Variants in SHISA6 observed in about 807,000 individuals in gnomAD.
SHISA6 encodes the protein protein shisa-6.
A neutral mutation model predicts 47.9 loss-of-function variants in SHISA6; 22 were observed. The observed-to-expected ratio is 0.46, with a 90% CI of 0.33 to 0.66. SHISA6 has a LOEUF of 0.66. SHISA6 is among the 30% of genes least tolerant of loss of function. SHISA6 has a pLI of 0.02. For synonymous variants in SHISA6, 388 were observed against 337.8 expected (o/e 1.15, Z -1.63); for missense variants, 680 against 764.6 (o/e 0.89, Z 1.30).
chr17:11,357,344 CT>C (rs756256179), intron 2 of SHISA6, among the ~76,000 whole-genome samples: 1 of 152,078 alleles, frequency 6.6e-6, no homozygotes, highest in Non-Finnish European at 1.5e-5. Context: ...TAAGTTACCC[CT>C]CCCATCAAAA....
intron 2 of SHISA6, among the ~76,000 whole-genome samples, chr17:11,279,847 AC>A (rs1909060701): frequency 6.6e-6 from 1 of 152,032 alleles, no homozygotes; most frequent in African/African-American, 2.4e-5. Flanking sequence ...TAAGGAAATG[AC>A]CTGCATTTTC....
intron 3 of SHISA6, among the ~76,000 whole-genome samples, chr17:11,493,694 C>A (rs971448193): frequency 6.6e-6 from 1 of 152,208 alleles, no homozygotes; most frequent in Admixed American, 6.5e-5. Flanking sequence ...CATCAAAGAA[C>A]GAGAGCCATT....
At chr17:11,517,634 C>T (rs1413101414) in intron 3 of SHISA6, among the ~76,000 whole-genome samples, 1 of 152,132 alleles carries the variant, frequency 6.6e-6, no homozygotes, top group African/African-American at 2.4e-5. Flanking sequence ...TCCTTAGTAG[C>T]TGGACCACAG....
chr17:11,503,454 AC>A, intron 3 of SHISA6, among the ~76,000 whole-genome samples: 2 of 152,274 alleles, frequency 1.3e-5, no homozygotes, highest in Non-Finnish European at 2.9e-5. Flanking sequence ...ACAGAGAAGC[AC>A]TTTTGATTGT....
At chr17:11,355,519 C>G (rs1199144341) in intron 2 of SHISA6, among the ~76,000 whole-genome samples, 1 of 152,168 alleles carries the variant, frequency 6.6e-6, no homozygotes, top group East Asian at 1.9e-4. Flanking sequence ...ATTACCACCC[C>G]CAGGCCTGAT....
chr17:11,249,419 G>A (rs931895489), intron 1 of SHISA6, among the ~76,000 whole-genome samples: 11 of 152,164 alleles, frequency 7.2e-5, no homozygotes, highest in Non-Finnish European at 1.6e-4. Context: ...CTCATTCATA[G>A]ACGCCAGTTT....
At chr17:11,319,423 G>A (rs1043765018) in intron 2 of SHISA6, among the ~76,000 whole-genome samples, 2 of 152,228 alleles carry the variant, frequency 1.3e-5, no homozygotes, top group African/African-American at 4.8e-5. Context: ...TGGTGTAATA[G>A]TCTCTCAAAG....
chr17:11,417,944 A>C (rs1332783339), intron 3 of SHISA6, among the ~76,000 whole-genome samples: 1 of 152,212 alleles, frequency 6.6e-6, no homozygotes, highest in Non-Finnish European at 1.5e-5. Flanking sequence ...TTTTAAAAGA[A>C]GGTAAAAGAA....
intron 3 of SHISA6, among the ~76,000 whole-genome samples, chr17:11,424,611 A>G (rs1914553252): frequency 6.6e-6 from 1 of 152,190 alleles, no homozygotes; most frequent in African/African-American, 2.4e-5. Context: ...GAAAAATACA[A>G]CCACACTTAA....
intron 3 of SHISA6, among the ~76,000 whole-genome samples, chr17:11,508,955 C>A (rs935661044): frequency 1.3e-5 from 2 of 150,608 alleles, no homozygotes; most frequent in African/African-American, 4.9e-5. Context: ...GACAGGGGGT[C>A]AGAGAAACCC....
At chr17:11,330,871 G>T (rs1224446874) in intron 2 of SHISA6, among the ~76,000 whole-genome samples, 1 of 152,174 alleles carries the variant, frequency 6.6e-6, no homozygotes, top group East Asian at 1.9e-4. Flanking sequence ...TGACTTTTCT[G>T]AGTGCTCGTG....
At chr17:11,244,825 T>TC (rs1401651763) in intron 1 of SHISA6, among the ~76,000 whole-genome samples, 3 of 152,158 alleles carry the variant, frequency 2.0e-5, no homozygotes, top group African/African-American at 7.2e-5. Flanking sequence ...AGTGTGTGCT[T>TC]CCCCCTGAAG....
At chr17:11,273,156 A>G (rs1300020647) in intron 2 of SHISA6, among the ~76,000 whole-genome samples, 1 of 152,232 alleles carries the variant, frequency 6.6e-6, no homozygotes, top group Non-Finnish European at 1.5e-5. Flanking sequence ...ATGAGGAAAC[A>G]GGTTCAATGG....
intron 3 of SHISA6, among the ~76,000 whole-genome samples, chr17:11,534,566 T>C (rs1230310971): frequency 1.3e-5 from 2 of 152,022 alleles, no homozygotes; most frequent in Non-Finnish European, 2.9e-5. Flanking sequence ...TATAACACAA[T>C]GTAGAAAGTG....
intron 2 of SHISA6, among the ~76,000 whole-genome samples, chr17:11,370,840 A>G (rs1291108975): frequency 6.6e-6 from 1 of 152,120 alleles, no homozygotes; most frequent in Non-Finnish European, 1.5e-5. Flanking sequence ...TGGTTCTGAC[A>G]AGCTGGGATG....
chr17:11,494,113 C>T (rs1372328493), intron 3 of SHISA6, among the ~76,000 whole-genome samples: 1 of 152,108 alleles, frequency 6.6e-6, no homozygotes, highest in Non-Finnish European at 1.5e-5. Context: ...TCCCAGCAGG[C>T]TCCCAGTCCA....
At chr17:11,525,142 T>C (rs1249245262) in intron 3 of SHISA6, among the ~76,000 whole-genome samples, 6 of 152,098 alleles carry the variant, frequency 3.9e-5, no homozygotes, top group South Asian at 4.2e-4. Context: ...GTGGAGGGGA[T>C]AGAATTAAGC....
intron 3 of SHISA6, among the ~76,000 whole-genome samples, chr17:11,510,340 GGT>G (rs1433470521): frequency 6.6e-6 from 1 of 152,162 alleles, no homozygotes; most frequent in Admixed American, 6.5e-5. Flanking sequence ...GTGCCTGAGT[GGT>G]CCTGGGTCCT....
At chr17:11,398,638 G>A (rs190224661) in intron 3 of SHISA6, among the ~76,000 whole-genome samples, 66 of 152,004 alleles carry the variant, frequency 4.3e-4, no homozygotes, top group Middle Eastern at 3.4e-3. Context: ...CTGTTGCCAG[G>A]CTGGAGTACA....
Sources: gnomAD v4.1 joint callset for allele counts (sites outside exome capture counted in the v4.1 genomes callset) on GRCh38, gnomAD v4.1.1 for gene constraint, MANE v1.5 for transcripts, NCBI Gene and HGNC (gene_info 2026-07-23, HGNC 2026-07-21) for gene names.